The following CLASP2 variants were observed in gnomAD, a reference collection of about 807,000 sequenced individuals.
The protein encoded by CLASP2 is CLIP-associating protein 2.
CLASP2 carries 47 observed loss-of-function variants against 194.4 expected under a neutral mutation model. That is an observed-to-expected ratio of 0.24 (90% CI 0.19 to 0.31). CLASP2 has a LOEUF of 0.31. Ranked by LOEUF, CLASP2 falls within the 10% of genes least tolerant of loss-of-function variation. CLASP2 has a pLI of 1.00. For synonymous variants in CLASP2, 619 were observed against 633.5 expected, an observed-to-expected ratio of 0.98 and a Z score of 0.34; for missense variants, 1,445 against 1,823.6, an observed-to-expected ratio of 0.79 and a Z score of 3.78.
intron 30 of CLASP2, among the ~76,000 whole-genome samples, chr3:33,546,000 T>C (rs1329923029): frequency 6.6e-6 from 1 of 152,214 alleles, no homozygotes; most frequent in East Asian, 1.9e-4. Context: ...TCTAACATGT[T>C]AATAGTGCTT....
At chr3:33,536,385 G>C (rs1322502081) in intron 33 of CLASP2, among the ~76,000 whole-genome samples, 1 of 152,176 alleles carries the variant, frequency 6.6e-6, no homozygotes, top group African/African-American at 2.4e-5. Context: ...GAAGCCACTT[G>C]AATAAACACT....
chr3:33,498,880 A>T (rs377021402), intron 38 of CLASP2, among the ~76,000 whole-genome samples, 163 bp from the exon 39 acceptor site: 55 of 150,124 alleles, frequency 3.7e-4, no homozygotes, highest in African/African-American at 1.2e-3. Context: ...ATAACAAATT[A>T]TTTTTTTTTT....
intron 7 of CLASP2, among the ~76,000 whole-genome samples, chr3:33,657,106 TAAAC>T (rs1179106430): frequency 2.0e-5 from 3 of 152,100 alleles, no homozygotes; most frequent in Non-Finnish European, 2.9e-5. Context: ...TATTCGTAAA[TAAAC>T]AAAGTTTGTA....
At chr3:33,622,403 A>G (rs2154280395) in intron 10 of CLASP2, 123 bp from the exon 11 acceptor site, 1 of 617,492 alleles carries the variant, frequency 1.6e-6, no homozygotes, top group East Asian at 3.3e-5. Context: ...GTTTCATTAC[A>G]TTACTATATT....
chr3:33,583,430 G>C (rs2066605802), intron 22 of CLASP2, among the ~76,000 whole-genome samples: 2 of 152,314 alleles, frequency 1.3e-5, no homozygotes, highest in Middle Eastern at 3.4e-3. Flanking sequence ...GGTCCCTAGG[G>C]AACTCACTGT....
intron 2 of CLASP2, among the ~76,000 whole-genome samples, chr3:33,696,353 CTTTTTTTT>C (rs962854814): frequency 1.7e-4 from 9 of 52,728 alleles, no homozygotes; most frequent in East Asian, 6.6e-4. Context: ...TTCTTTCTTT[CTTTTTTTT>C]TTTTTTTTTT....
At position 33,658,206 on chromosome 3, in the gene CLASP2, T is replaced by C. The variant is rs541098859; in HGVS notation, c.715+5239A>G. ...GCTTTCTGTGCCTGGATCTGGGACA[T>C]ATTGTCTCAGCAGGTCTCAGTTTCC... On this transcript the variant is annotated intron_variant, in intron 7 of 38. Transcript: ENST00000682230. Among the ~76,000 whole-genome samples, 70 of 152,304 alleles carry C rather than the reference T, an allele frequency of 4.6e-4. 1 individual carries two copies. The South Asian group carries it at 0.014, about 31-fold the overall frequency.
chr3:33,579,224 A>C (rs1428602639), intron 23 of CLASP2, among the ~76,000 whole-genome samples: 1 of 152,242 alleles, frequency 6.6e-6, no homozygotes, highest in Admixed American at 6.5e-5. Context: ...TTTCATGAGA[A>C]TCAGGAAAAC....
chr3:33,660,957 T>C (rs1188130075), intron 7 of CLASP2, among the ~76,000 whole-genome samples: 1 of 152,224 alleles, frequency 6.6e-6, no homozygotes, highest in Non-Finnish European at 1.5e-5. Flanking sequence ...TTAAACTCCA[T>C]GATATTACTT....
At chr3:33,640,197 A>G (rs2081021903) in intron 8 of CLASP2, among the ~76,000 whole-genome samples, 1 of 152,230 alleles carries the variant, frequency 6.6e-6, no homozygotes, top group African/African-American at 2.4e-5. Context: ...TCCAGAATTA[A>G]AAAACAAAAT....
intron 1 of CLASP2, 78 bp downstream of exon 1, chr3:33,717,730 C>G: frequency 6.8e-7 from 1 of 1,476,150 alleles, no homozygotes; most frequent in Non-Finnish European, 9.2e-7. Context: ...GGGAGCTTTC[C>G]CGGCCCGGCG....
chr3:33,520,340 A>C (rs1386372404), intron 34 of CLASP2, among the ~76,000 whole-genome samples: 1 of 152,258 alleles, frequency 6.6e-6, no homozygotes, highest in East Asian at 1.9e-4. Flanking sequence ...AGCTGGTAAA[A>C]GTAATCAAAG....
In CLASP2 at chr3:33,567,091, T is replaced by C. The variant is rs142494426; in HGVS notation, c.2764-357A>G. ...ATAGACACATACTCCCACTTCTGAA[T>C]GGGGCCAACATTTGGTTCCAAAGCA... On this transcript the variant is annotated intron_variant, in intron 26 of 38. Transcript: ENST00000682230. 8.7e-4 allele frequency among the ~76,000 whole-genome samples: 132 copies of C among 152,342 alleles called. 2 individuals carry two copies. Among genetic ancestry groups the C allele is most frequent in the African/African-American group, 3.1e-3 (130 of 41,584 alleles).
intron 1 of CLASP2, among the ~76,000 whole-genome samples, chr3:33,701,558 T>C (rs1303900673): frequency 6.6e-6 from 1 of 152,234 alleles, no homozygotes; most frequent in African/African-American, 2.4e-5. Context: ...AATGCACCAC[T>C]GCACTCCAGC....
At chr3:33,596,566 T>A in intron 19 of CLASP2, 145 bp downstream of exon 19, 1 of 716,262 alleles carries the variant, frequency 1.4e-6, no homozygotes, top group East Asian at 2.6e-5. Context: ...TTCAGAGAAT[T>A]ATGTAGCCAT....
chr3:33,591,694 C>T (rs192808340), intron 21 of CLASP2, among the ~76,000 whole-genome samples: 1 of 152,210 alleles, frequency 6.6e-6, no homozygotes, highest in Admixed American at 6.5e-5. Flanking sequence ...TTAGCTAGAC[C>T]TCAAAATTGT....
chr3:33,572,409 G>C (rs1055069040), intron 25 of CLASP2, among the ~76,000 whole-genome samples: 4 of 152,046 alleles, frequency 2.6e-5, no homozygotes, highest in African/African-American at 9.7e-5. Flanking sequence ...TAAATACACA[G>C]GAAGTAAGTA....
intron 33 of CLASP2, among the ~76,000 whole-genome samples, chr3:33,535,835 G>A (rs1446485052): frequency 1.3e-5 from 2 of 150,434 alleles, no homozygotes; most frequent in African/African-American, 4.9e-5. Context: ...CAAGCTGCCA[G>A]ATTCCATTAT....
chr3:33,501,320 T>G (rs1470091901), intron 38 of CLASP2, among the ~76,000 whole-genome samples: 8 of 152,154 alleles, frequency 5.3e-5, no homozygotes, highest in African/African-American at 1.9e-4. Flanking sequence ...GTCTATTTAT[T>G]CTTAATAAAA....
Sources: gnomAD v4.1 joint callset for allele counts (sites outside exome capture counted in the v4.1 genomes callset) on GRCh38, gnomAD v4.1.1 for gene constraint, MANE v1.5 for transcripts, NCBI Gene and HGNC (gene_info 2026-07-23, HGNC 2026-07-21) for gene names.